The following PTPRO variants were observed in gnomAD, a reference collection of about 807,000 sequenced individuals.
The protein encoded by PTPRO is protein tyrosine phosphatase receptor type O.
PTPRO carries 62 observed loss-of-function variants against 145.2 expected under a neutral mutation model. The observed-to-expected ratio is 0.43, with a 90% confidence interval of 0.35 to 0.53. The LOEUF (loss-of-function observed/expected upper bound fraction) is 0.53. Ranked by LOEUF, PTPRO falls within the 20% of genes least tolerant of loss-of-function variation. PTPRO has a pLI of 0.01. For synonymous variants in PTPRO, 565 were observed against 514.7 expected, an observed-to-expected ratio of 1.10 and a Z score of -1.32; for missense variants, 1,345 against 1,482.7, an observed-to-expected ratio of 0.91 and a Z score of 1.53.
chr12:15,492,429 A>C (rs1942018264), intron 2 of PTPRO, among the ~76,000 whole-genome samples: 1 of 152,114 alleles, frequency 6.6e-6, no homozygotes, highest in African/African-American at 2.4e-5. Context: ...AAATTGGCAG[A>C]AATAGTGCAG....
chr12:15,565,767 A>C, intron 18 of PTPRO, 139 bp downstream of exon 18: 1 of 634,140 alleles, frequency 1.6e-6, no homozygotes. Context: ...AAGCACAATA[A>C]TGTACTGGTT....
intron 12 of PTPRO, among the ~76,000 whole-genome samples, chr12:15,541,641 C>G (rs1943181868): frequency 6.6e-6 from 1 of 152,168 alleles, no homozygotes; most frequent in African/African-American, 2.4e-5. Context: ...TTTATATTTC[C>G]TCTTCCTATA....
chr12:15,384,385 G>A lies in PTPRO; in HGVS notation c.75+61584G>A, dbSNP rs1323347361. 2.0e-5 allele frequency among the ~76,000 whole-genome samples: 3 copies of A among 152,242 alleles called. No homozygotes were observed. The East Asian group carries it at 5.8e-4, about 29-fold the overall frequency. On this transcript the variant is annotated intron_variant, in intron 1 of 26. Coordinates refer to ENST00000281171, the MANE Select transcript of PTPRO (RefSeq NM_030667.3). ...ATAACAAAATACCATAGACTGGGTG[G>A]CTTAAACAACAGAAATGTGTTTTCT...
At chr12:15,524,333 A>T (rs1942792313) in intron 10 of PTPRO, among the ~76,000 whole-genome samples, 1 of 152,022 alleles carries the variant, frequency 6.6e-6, no homozygotes, top group Admixed American at 6.6e-5. Flanking sequence ...TAGTACTATG[A>T]TCTTCTATCT....
chr12:15,404,122 G>C (rs1939580234), intron 1 of PTPRO, among the ~76,000 whole-genome samples: 1 of 146,274 alleles, frequency 6.8e-6, no homozygotes, highest in Non-Finnish European at 1.5e-5. Flanking sequence ...CTGGGAGATG[G>C]AGCTTGCAGT....
At chr12:15,589,622 T>C (rs1231197623) in intron 25 of PTPRO, 32 bp downstream of exon 25, 16 of 1,612,886 alleles carry the variant, frequency 9.9e-6, no homozygotes, top group Non-Finnish European at 1.3e-5. Context: ...ATTTTTAAAT[T>C]TTCCCTGGAC....
At chr12:15,485,109 G>A (rs1342744224) in intron 2 of PTPRO, among the ~76,000 whole-genome samples, 1 of 152,016 alleles carries the variant, frequency 6.6e-6, no homozygotes, top group Non-Finnish European at 1.5e-5. Flanking sequence ...ATAAATACGT[G>A]GAAAGACAGT....
At chr12:15,482,202 C>A (rs1941793651) in intron 1 of PTPRO, among the ~76,000 whole-genome samples, 2 of 151,192 alleles carry the variant, frequency 1.3e-5, no homozygotes, top group Admixed American at 1.3e-4. Context: ...GAATATCATT[C>A]AGCCTTAAAA....
intron 9 of PTPRO, among the ~76,000 whole-genome samples, chr12:15,517,818 T>C (rs144751476): frequency 5.3e-4 from 80 of 152,308 alleles, no homozygotes; most frequent in African/African-American, 1.8e-3. Flanking sequence ...GCAGTTCCAC[T>C]CCTATGGCTT....
In PTPRO at chr12:15,322,694, C is replaced by A. The variant is rs1270264120; in HGVS notation, c.-33C>A. 2.5e-6 allele frequency: 4 copies of A among 1,587,388 alleles called. No homozygotes were observed. Among genetic ancestry groups the A allele is most frequent in the Non-Finnish European group, 3.4e-6 (4 of 1,162,628 alleles). ...CCGCCGCCGGGGGAGTCCGCTAGCG[C>A]AGCCGTGCCCCCGAGTCCCCGTCCG... On this transcript the variant is annotated 5_prime_UTR_variant, in exon 1 of 27. Coordinates refer to ENST00000281171, the MANE Select transcript of PTPRO (RefSeq NM_030667.3). This position sits in a 1 kb window ranked among gnomAD's most constrained non-coding sequence, Gnocchi z 6.3.
chr12:15,473,768 C>CAAAAAAAAAAA (rs11340085), intron 1 of PTPRO, among the ~76,000 whole-genome samples: 5 of 65,574 alleles, frequency 7.6e-5, no homozygotes, highest in African/African-American at 2.4e-4. Flanking sequence ...GACTCCATCT[C>CAAAAAAAAAAA]AAAAAAAAAA....
At chr12:15,587,096 T>G in intron 24 of PTPRO, 45 bp downstream of exon 24, 1 of 1,606,598 alleles carries the variant, frequency 6.2e-7, no homozygotes, top group Non-Finnish European at 8.5e-7. Flanking sequence ...AGGAGTTGGT[T>G]TTGTAAGGGG....
intron 1 of PTPRO, among the ~76,000 whole-genome samples, chr12:15,475,012 T>G (rs919951370): frequency 1.3e-5 from 2 of 152,256 alleles, no homozygotes; most frequent in African/African-American, 4.8e-5. Context: ...CATGGGCCAA[T>G]GCTTATTTTC....
intron 1 of PTPRO, among the ~76,000 whole-genome samples, chr12:15,419,161 A>G (rs1940063664): frequency 6.7e-6 from 1 of 150,204 alleles, no homozygotes; most frequent in Admixed American, 6.7e-5. Context: ...ATTTTAGCAG[A>G]TATTCATGCG....
chr12:15,519,822 G>C (rs1482716210), intron 9 of PTPRO, among the ~76,000 whole-genome samples: 1 of 152,172 alleles, frequency 6.6e-6, no homozygotes, highest in East Asian at 1.9e-4. Flanking sequence ...AAGGACTCCT[G>C]TTCGTGGTTT....
chr12:15,580,784 A>T lies in PTPRO; in HGVS notation c.3085A>T (p.Lys1029Ter). The T allele has an allele frequency of 1.2e-6, 2 of 1,614,032 alleles. No individual in the cohort carries two copies. The highest frequency in any genetic ancestry group is 1.7e-6 in the Non-Finnish European group (2 of 1,179,924). Residue 1029 changes from lysine (K) to a stop codon, truncating the protein, a stop_gained, in exon 22 of 27, where the codon AAG becomes TAG. Coordinates refer to ENST00000281171, the MANE Select transcript of PTPRO (RefSeq NM_030667.3). LOFTEE classifies it high-confidence loss of function. ...CTTCTGGAAGATGGTCCTGCAACAA[A>T]AGTCTCAGATTATTGTCATGCTCAC... The part of the protein sequence containing the change: ...NDFWKMVLQQ[K>*]SQIIVMLTQC...
chr12:15,575,789 C>T (rs2135630235), intron 19 of PTPRO, among the ~76,000 whole-genome samples: 1 of 152,316 alleles, frequency 6.6e-6, no homozygotes, highest in South Asian at 2.1e-4. Context: ...CCTGAAGACT[C>T]TAGGGAAGAA....
In PTPRO at chr12:15,572,278, T is replaced by C. The variant is rs145712078; in HGVS notation, c.2829+2780T>C. Among the ~76,000 whole-genome samples the C allele has an allele frequency of 1.4e-4, 21 of 152,344 alleles. No individual in the cohort carries two copies. In the East Asian group the frequency reaches 4.0e-3, roughly 29 times the overall value. On this transcript the variant is annotated intron_variant, in intron 19 of 26. Transcript: ENST00000281171. ...GGATTGAAACTGCCCAGGCAAAGTA[T>C]ATACAAAATCTGCATTTTGAGTAAA...
chr12:15,381,574 T>A (rs1938863317), intron 1 of PTPRO, among the ~76,000 whole-genome samples: 1 of 152,102 alleles, frequency 6.6e-6, no homozygotes, highest in Non-Finnish European at 1.5e-5. Flanking sequence ...TTAAAAAAAA[T>A]TAAGAAGACA....
Sources: gnomAD v4.1 joint callset for allele counts (sites outside exome capture counted in the v4.1 genomes callset) on GRCh38, gnomAD v4.1.1 for gene constraint, Gnocchi (gnomAD v3.1) non-coding constraint, MANE v1.5 for transcripts, NCBI Gene and HGNC (gene_info 2026-07-23, HGNC 2026-07-21) for gene names.